FAM184B: variants seen among roughly 807,000 people sequenced by gnomAD.
FAM184B encodes protein FAM184B.
A neutral mutation model predicts 135.9 loss-of-function variants in FAM184B; 111 were observed. The ratio of observed to expected loss-of-function variants is 0.82; its 90% CI spans 0.70 to 0.96. The LOEUF (loss-of-function observed/expected upper bound fraction) is 0.96, where lower values mean the gene tolerates loss of function less well. Among genes scored for constraint, FAM184B ranks in the 40% least tolerant of loss-of-function variants. FAM184B has a pLI of 0.00. For missense variants in FAM184B, 1,375 were observed against 1,323.9 expected (o/e 1.04, Z -0.60); for synonymous variants, 552 against 524.8 (o/e 1.05, Z -0.71).
At chr4:17,733,660 C>T (rs1304807818) in intron 1 of FAM184B, among the ~76,000 whole-genome samples, 1 of 152,160 alleles carries the variant, frequency 6.6e-6, no homozygotes, top group East Asian at 1.9e-4. Flanking sequence ...CTACAAACCA[C>T]TGCTCAATGA....
chr4:17,655,207 C>T (rs1715754424), intron 10 of FAM184B, among the ~76,000 whole-genome samples: 1 of 152,224 alleles, frequency 6.6e-6, no homozygotes, highest in Non-Finnish European at 1.5e-5. Context: ...TACCTTCCTC[C>T]TCTTTCCCTT....
At chr4:17,650,078 G>GTCCATCCATCCA (rs34362158) in intron 11 of FAM184B, among the ~76,000 whole-genome samples, 1 of 149,214 alleles carries the variant, frequency 6.7e-6, no homozygotes, top group African/African-American at 2.5e-5. Context: ...TTGTCTGTCT[G>GTCCATCCATCCA]TCCATCCATC....
chr4:17,735,368 C>A (rs368719783), intron 1 of FAM184B, among the ~76,000 whole-genome samples: 1 of 151,420 alleles, frequency 6.6e-6, no homozygotes, highest in South Asian at 2.1e-4. Context: ...AAAGAAAGTT[C>A]GATTATAAAA....
chr4:17,700,893 T>C (rs6849703), intron 5 of FAM184B, among the ~76,000 whole-genome samples: 1 of 152,006 alleles, frequency 6.6e-6, no homozygotes, highest in African/African-American at 2.4e-5. Context: ...ATAACCAGGG[T>C]TATTTTGGAA....
chr4:17,752,218 T>G (rs144202030), intron 1 of FAM184B, among the ~76,000 whole-genome samples: 5 of 152,298 alleles, frequency 3.3e-5, no homozygotes, highest in Admixed American at 1.3e-4. Context: ...GAAAGTACTT[T>G]CATACAAGAG....
chr4:17,657,543 G>A (rs1294310840), intron 10 of FAM184B, among the ~76,000 whole-genome samples: 5 of 152,154 alleles, frequency 3.3e-5, no homozygotes, highest in African/African-American at 1.2e-4. Context: ...CAGGCCACAA[G>A]GTAGAAGGCG....
At chr4:17,721,536 G>A (rs1418081966) in intron 1 of FAM184B, among the ~76,000 whole-genome samples, 1 of 152,134 alleles carries the variant, frequency 6.6e-6, no homozygotes, top group Non-Finnish European at 1.5e-5. Flanking sequence ...ACCATGAGCA[G>A]GAAGTAGCGC....
At position 17,705,289 on chromosome 4, in the gene FAM184B, TACA is replaced by T. The variant is rs1308375837; in HGVS notation, c.1171-86_1171-84del. On this transcript the variant is annotated intron_variant, in intron 4 of 17. Coordinates refer to ENST00000265018, the MANE Select transcript of FAM184B (RefSeq NM_015688.2). ...CACCATTTCCCTTTCATACAACTTT[TACA>T]ACGTTTATACACTGTTTTTACAGCA... 8 of 1,058,404 alleles carry T rather than the reference TACA, an allele frequency of 7.6e-6. No homozygotes were observed. In the African/African-American group the frequency reaches 8.0e-5, roughly 11 times the overall value. The allele number at this position is 1,058,404 out of a possible 1,614,324, so 65.6% of individuals were successfully genotyped here. A position where few individuals can be genotyped will look rare whatever the true frequency, so the allele number is the denominator to read the frequency against.
intron 1 of FAM184B, among the ~76,000 whole-genome samples, chr4:17,728,576 CA>C (rs2108976249): frequency 6.6e-6 from 1 of 152,054 alleles, no homozygotes; most frequent in South Asian, 2.1e-4. Flanking sequence ...GCAGTGAAAG[CA>C]GGTGTCCTGA....
intron 12 of FAM184B, among the ~76,000 whole-genome samples, chr4:17,646,788 C>T (rs903917746): frequency 2.0e-5 from 3 of 152,106 alleles, no homozygotes; most frequent in East Asian, 1.9e-4. Flanking sequence ...TGAAGCTGTA[C>T]GTTATGGACT....
intron 11 of FAM184B, among the ~76,000 whole-genome samples, chr4:17,648,288 G>A (rs10024637): frequency 0.03 from 4,605 of 152,104 alleles, 227 homozygotes; most frequent in African/African-American, 0.1. Flanking sequence ...TCAAATGACC[G>A]AAAAGGCCTC....
intron 1 of FAM184B, among the ~76,000 whole-genome samples, chr4:17,729,855 T>C (rs548010420): frequency 1.5e-3 from 229 of 151,780 alleles, no homozygotes; most frequent in African/African-American, 5.2e-3. Flanking sequence ...AAAAGCAGAG[T>C]GCCTCTCCTC....
At chr4:17,716,325 T>C (rs1042831824) in intron 1 of FAM184B, among the ~76,000 whole-genome samples, 8 of 152,060 alleles carry the variant, frequency 5.3e-5, no homozygotes, top group African/African-American at 1.9e-4. Context: ...AGCTTGACCC[T>C]TTTTCCTCTC....
chr4:17,637,519 C>T (rs997610222), intron 14 of FAM184B, among the ~76,000 whole-genome samples: 1 of 152,052 alleles, frequency 6.6e-6, no homozygotes, highest in African/African-American at 2.4e-5. Flanking sequence ...GTGTGTGGGC[C>T]CCAGTTCCCT....
chr4:17,639,080 T>C (rs1301536899), intron 14 of FAM184B, among the ~76,000 whole-genome samples, 170 bp downstream of exon 14: 1 of 152,170 alleles, frequency 6.6e-6, no homozygotes, highest in African/African-American at 2.4e-5. Context: ...GTGATCCACC[T>C]GCCTCAGCCT....
intron 14 of FAM184B, among the ~76,000 whole-genome samples, chr4:17,637,851 C>A (rs879464336): frequency 6.6e-6 from 1 of 152,126 alleles, no homozygotes. Flanking sequence ...TCAGAAGTGA[C>A]CCTGTGAAAA....
intron 1 of FAM184B, among the ~76,000 whole-genome samples, chr4:17,758,372 A>G (rs1718466677): frequency 6.6e-6 from 1 of 152,212 alleles, no homozygotes; most frequent in South Asian, 2.1e-4. Flanking sequence ...AGAAAGTTCA[A>G]ATAGCCTATA....
chr4:17,720,184 C>T (rs1354436530), intron 1 of FAM184B, among the ~76,000 whole-genome samples: 1 of 152,166 alleles, frequency 6.6e-6, no homozygotes, highest in Non-Finnish European at 1.5e-5. Flanking sequence ...TATGACCAGG[C>T]TGGACCTGCC....
At chr4:17,695,890 G>A (rs1172403157) in intron 5 of FAM184B, among the ~76,000 whole-genome samples, 1 of 152,178 alleles carries the variant, frequency 6.6e-6, no homozygotes, top group Non-Finnish European at 1.5e-5. Context: ...ATAGAGGCAT[G>A]CATTTGAATG....
Sources: allele counts gnomAD v4.1 joint callset (sites outside exome capture counted in the v4.1 genomes callset), GRCh38; gene constraint gnomAD v4.1.1; transcripts MANE v1.5; gene names NCBI Gene and HGNC (gene_info 2026-07-23, HGNC 2026-07-21).